PAM: variants seen among roughly 807,000 people sequenced by gnomAD.
The protein encoded by PAM is peptidylglycine alpha-amidating monooxygenase, also known as peptidyl-glycine alpha-amidating monooxygenase.
Under a neutral mutation model 122.1 loss-of-function variants are expected in PAM, and 72 were observed. The observed-to-expected ratio is 0.59, with a 90% confidence interval of 0.49 to 0.72. The LOEUF (loss-of-function observed/expected upper bound fraction) is 0.72, where lower values mean the gene tolerates loss of function less well. Ranked by LOEUF, PAM falls within the 30% of genes least tolerant of loss-of-function variation. The pLI is 0.00. For missense variants in PAM, 1,106 were observed against 1,183.7 expected (o/e 0.93, Z 0.96); for synonymous variants, 389 against 404.4 (o/e 0.96, Z 0.46).
intron 3 of PAM, among the ~76,000 whole-genome samples, chr5:102,875,911 G>A (rs1343968490): frequency 6.6e-6 from 1 of 152,148 alleles, no homozygotes; most frequent in Admixed American, 6.5e-5. Flanking sequence ...TTAACCTTTG[G>A]CATCTCATGA....
At chr5:102,996,280 G>T (rs1775667845) in intron 16 of PAM, among the ~76,000 whole-genome samples, 1 of 152,144 alleles carries the variant, frequency 6.6e-6, no homozygotes, top group Non-Finnish European at 1.5e-5. Context: ...AATCAAAAGT[G>T]CTCCAGGCAC....
At chr5:102,894,328 A>G (rs1281326348) in intron 3 of PAM, among the ~76,000 whole-genome samples, 1 of 151,702 alleles carries the variant, frequency 6.6e-6, no homozygotes, top group Non-Finnish European at 1.5e-5. Context: ...TATTATAGAC[A>G]TGCCTATAAG....
At position 102,913,025 on chromosome 5, in the gene PAM, T is replaced by C. The variant is rs141288373; in HGVS notation, c.269-909T>C. Among the ~76,000 whole-genome samples the C allele has an allele frequency of 2.1e-4, 32 of 152,150 alleles. No individual in the cohort carries two copies. The East Asian group carries it at 6.0e-3, about 29-fold the overall frequency. ...CACATTTTAGCAATAAGTGATGTTT[T>C]CTTAATTTTATCAAACAGACCAAAA... On this transcript the variant is annotated intron_variant, in intron 4 of 25. Coordinates refer to ENST00000438793, the MANE Select transcript of PAM (RefSeq NM_001177306.2).
chr5:102,909,414 C>T (rs1401384316), intron 4 of PAM, among the ~76,000 whole-genome samples: 2 of 151,752 alleles, frequency 1.3e-5, no homozygotes, highest in Non-Finnish European at 2.9e-5. Flanking sequence ...CCTGCTTTTG[C>T]TCTTTGTCCT....
chr5:103,023,095 A>G (rs1268917324), intron 23 of PAM, among the ~76,000 whole-genome samples: 1 of 152,140 alleles, frequency 6.6e-6, no homozygotes, highest in Non-Finnish European at 1.5e-5. Flanking sequence ...AAGAATTTCT[A>G]AAGTGCTGTG....
intron 1 of PAM, among the ~76,000 whole-genome samples, chr5:102,803,131 AAG>A (rs1765225905): frequency 7.3e-6 from 1 of 137,160 alleles, no homozygotes; most frequent in Admixed American, 7.3e-5. Context: ...TCCAAAAAAA[AAG>A]AAAGAAAGAA....
chr5:102,865,320 T>C (rs1785227989), intron 1 of PAM: 4 of 152,236 alleles, frequency 2.6e-5, no homozygotes. Flanking sequence ...GATGCATGTA[T>C]ATAAGCATGC....
At chr5:103,009,570 C>T (rs916095385) in intron 20 of PAM, among the ~76,000 whole-genome samples, 181 bp from the exon 21 acceptor site, 19 of 152,132 alleles carry the variant, frequency 1.2e-4, no homozygotes, top group Non-Finnish European at 2.4e-4. Context: ...GTCCTCTAAC[C>T]AGTTTGCCAC....
At chr5:102,987,417 T>C (rs892991402) in intron 15 of PAM, 1 of 358,602 alleles carries the variant, frequency 2.8e-6, no homozygotes, top group Non-Finnish European at 5.5e-6. Context: ...ACAAGTTGGT[T>C]AATGGGTACC....
In PAM at chr5:102,949,911, T is replaced by A; in HGVS notation, c.734T>A (p.Val245Glu). ...TTTGTGTTTATTACAGGTAAGGTAG[T>A]AAGTGGATACAGAGTAAGAAATGGA... Reference protein sequence around the residue: ...RVHTHHLGKVVSGYRVRNGQW... With the variant: ...RVHTHHLGKVESGYRVRNGQW... Residue 245 changes from valine to glutamate, a missense_variant, in exon 11 of 26, where the codon GTA becomes GAA. Physicochemically the swap from Val to Glu is moderately radical, Grantham distance 121 (BLOSUM62 -2). Around this residue, in one of 3 missense-constraint regions of PAM, gnomAD observed 670 missense variants for 690.3 expected, o/e 0.97. Coordinates refer to ENST00000438793, the MANE Select transcript of PAM (RefSeq NM_001177306.2). 4.5e-6 allele frequency: 7 copies of A among 1,553,150 alleles called. No individual in the cohort carries two copies. Among genetic ancestry groups the A allele is most frequent in the South Asian group, 2.2e-5 (2 of 89,124 alleles).
intron 9 of PAM, among the ~76,000 whole-genome samples, chr5:102,949,308 G>C (rs1207205860): frequency 6.6e-6 from 1 of 151,978 alleles, no homozygotes; most frequent in Non-Finnish European, 1.5e-5. Flanking sequence ...ATTTTGATTT[G>C]GTTCTAGTCA....
intron 1 of PAM, among the ~76,000 whole-genome samples, chr5:102,798,139 C>T (rs945683149): frequency 2.0e-5 from 3 of 152,082 alleles, no homozygotes; most frequent in Non-Finnish European, 4.4e-5. Flanking sequence ...TAGTCTTTGT[C>T]AGTGTGTATC....
At chr5:102,946,802 A>C (rs375216983) in intron 7 of PAM, 35 bp from the exon 8 acceptor site, 23 of 1,321,178 alleles carry the variant, frequency 1.7e-5, no homozygotes, top group Non-Finnish European at 2.5e-5. Flanking sequence ...CTACATTATC[A>C]TATTTAAGAT....
intron 15 of PAM, among the ~76,000 whole-genome samples, chr5:102,975,463 T>G (rs1767323153): frequency 6.6e-6 from 1 of 152,194 alleles, no homozygotes; most frequent in Admixed American, 6.5e-5. Context: ...GGAACCTGGA[T>G]TTTTAACTTT....
intron 19 of PAM, among the ~76,000 whole-genome samples, 181 bp downstream of exon 19, chr5:103,007,192 T>TACACACACACACAC (rs56140031): frequency 0.015 from 2,191 of 141,498 alleles, 55 homozygotes; most frequent in African/African-American, 0.045. Flanking sequence ...CACATATACA[T>TACACACACACACAC]ACACACACAC....
intron 1 of PAM, among the ~76,000 whole-genome samples, chr5:102,773,941 C>T (rs1266534203): frequency 6.6e-6 from 1 of 152,046 alleles, no homozygotes; most frequent in Non-Finnish European, 1.5e-5. Flanking sequence ...TCATTTAGCC[C>T]CCACTTATAA....
At chr5:102,853,104 G>A (rs548973556) in intron 1 of PAM, among the ~76,000 whole-genome samples, 24 of 152,302 alleles carry the variant, frequency 1.6e-4, no homozygotes, top group Admixed American at 1.5e-3. Context: ...GGTTCTGCCA[G>A]ACTGCTTCTG....
chr5:102,954,936 T>C (rs990706978), intron 12 of PAM, among the ~76,000 whole-genome samples: 2 of 152,116 alleles, frequency 1.3e-5, no homozygotes, highest in African/African-American at 4.8e-5. Flanking sequence ...TTAATCTGCA[T>C]TTTTAAATAT....
intron 16 of PAM, among the ~76,000 whole-genome samples, chr5:103,001,737 T>C (rs1364226047): frequency 6.6e-6 from 1 of 152,116 alleles, no homozygotes; most frequent in Non-Finnish European, 1.5e-5. Flanking sequence ...CTCCTATTTA[T>C]GTAGAGTACT....
Sources: allele counts gnomAD v4.1 joint callset (sites outside exome capture counted in the v4.1 genomes callset), GRCh38; gene constraint gnomAD v4.1.1; regional missense constraint gnomAD v4.1.1; transcripts MANE v1.5; gene names NCBI Gene and HGNC (gene_info 2026-07-23, HGNC 2026-07-21).